The following CRY1 variants were observed in gnomAD, a reference collection of about 807,000 sequenced individuals.
CRY1 encodes the protein cryptochrome-1.
Under a neutral mutation model 76.0 loss-of-function variants are expected in CRY1, and 45 were observed. The ratio of observed to expected loss-of-function variants is 0.59; its 90% CI spans 0.47 to 0.76. CRY1 has a LOEUF of 0.76. CRY1 is among the 30% of genes least tolerant of loss of function. CRY1 has a pLI of 0.00. For missense variants in CRY1, 587 were observed against 716.4 expected, an observed-to-expected ratio of 0.82 and a Z score of 2.06; for synonymous variants, 248 against 244.0, an observed-to-expected ratio of 1.02 and a Z score of -0.15.
At chr12:107,055,176 A>T (rs1356917381) in intron 1 of CRY1, among the ~76,000 whole-genome samples, 2 of 152,160 alleles carry the variant, frequency 1.3e-5, no homozygotes, top group African/African-American at 4.8e-5. Context: ...AAGAACTGAA[A>T]TTATTTACAG....
rs540804222 is a variant in CRY1 at position 106,996,366 on chromosome 12, TATC to T, written c.1585+925_1585+927del. Among the ~76,000 whole-genome samples, 352 of 152,372 alleles carry T rather than the reference TATC, an allele frequency of 2.3e-3. 1 individual carries two copies. Among genetic ancestry groups the T allele is most frequent in the Non-Finnish European group, 3.7e-3 (253 of 68,028 alleles). On this transcript the variant is annotated intron_variant, in intron 10 of 12. Transcript: ENST00000008527. ...TGTACCACATTTTCTTTATCTAGTCTATCATCGACTGGCATTTAGGTTGATTCC... is the reference window on the plus strand; with the variant it reads ...TGTACCACATTTTCTTTATCTAGTCTATCGACTGGCATTTAGGTTGATTCC...
At chr12:107,009,579 T>A (rs867076089) in intron 2 of CRY1, among the ~76,000 whole-genome samples, 6 of 50,086 alleles carry the variant, frequency 1.2e-4, no homozygotes, top group Admixed American at 6.6e-4. Context: ...TATATATATA[T>A]ATATATATAT....
chr12:107,060,468 C>A (rs1485681460), intron 1 of CRY1, among the ~76,000 whole-genome samples: 1 of 152,162 alleles, frequency 6.6e-6, no homozygotes, highest in African/African-American at 2.4e-5. Context: ...GCCTCCAAAC[C>A]CATAAGCAAT....
At position 107,093,516 on chromosome 12, in the gene CRY1, CGGTGACCGGTCCCGAGGCTGCCCG is replaced by C. The variant is rs984100213; in HGVS notation, c.-579_-556del. ...TCGAGGCCGCTGGACGGTTGCCGGC[CGGTGACCGGTCCCGAGGCTGCCCG>C]GGTGACTCTGCCGCCGCCGCCGCGT... On this transcript the variant is annotated 5_prime_UTR_variant, in exon 1 of 13. Transcript: ENST00000008527. 1.3e-5 allele frequency: 2 copies of C among 152,294 alleles called. No homozygotes were observed. The highest frequency in any genetic ancestry group is 4.8e-5 in the African/African-American group (2 of 41,478). The allele number at this position is 152,294 out of a possible 1,614,324, so 9.4% of individuals were successfully genotyped here. A position where few individuals can be genotyped will look rare whatever the true frequency, so the allele number is the denominator to read the frequency against.
intron 1 of CRY1, among the ~76,000 whole-genome samples, chr12:107,030,393 G>C (rs1952662108): frequency 6.6e-6 from 1 of 152,096 alleles, no homozygotes; most frequent in African/African-American, 2.4e-5. Flanking sequence ...CCAAACCATA[G>C]TGCTCTTTGT....
chr12:107,049,431 G>A (rs1332638881), intron 1 of CRY1, among the ~76,000 whole-genome samples: 2 of 152,160 alleles, frequency 1.3e-5, no homozygotes, highest in Non-Finnish European at 2.9e-5. Flanking sequence ...CCAGAGTGCA[G>A]TAGTGCGATC....
intron 1 of CRY1, among the ~76,000 whole-genome samples, chr12:107,062,923 T>C (rs548168898): frequency 3.4e-4 from 52 of 152,340 alleles, no homozygotes; most frequent in African/African-American, 1.3e-3. Flanking sequence ...TTTTTCTCAA[T>C]TTAAAACTTG....
At chr12:107,042,305 C>T (rs1349521247) in intron 1 of CRY1, among the ~76,000 whole-genome samples, 1 of 152,008 alleles carries the variant, frequency 6.6e-6, no homozygotes, top group Non-Finnish European at 1.5e-5. Flanking sequence ...TTTAAGGAGA[C>T]AGAATATTTA....
chr12:106,992,494 A>G lies in CRY1; in HGVS notation c.*293T>C, dbSNP rs1345204099. 3.2e-5 allele frequency: 8 copies of G among 250,698 alleles called. No individual in the cohort carries two copies. In the East Asian group the frequency reaches 6.7e-4, roughly 21 times the overall value. 15.5% of individuals were successfully genotyped at this position (250,698 alleles called of 1,614,324 possible). A position where few individuals can be genotyped will look rare whatever the true frequency, so the allele number is the denominator to read the frequency against. On this transcript the variant is annotated intron_variant, in intron 12 of 12. Coordinates refer to ENST00000008527, the MANE Select transcript of CRY1 (RefSeq NM_004075.5). ...TGTTTTAGACTCATAGTTACATAGT[A>G]AGGAAATAAAAAAGTTGTCTTTTTC...
At chr12:106,994,059 AAAAC>A (rs142582299) in intron 10 of CRY1, among the ~76,000 whole-genome samples, 2,325 of 152,156 alleles carry the variant, frequency 0.015, 40 homozygotes, top group African/African-American at 0.047. Context: ...AAAACAAACA[AAAAC>A]AAACAAACAA....
intron 1 of CRY1, among the ~76,000 whole-genome samples, chr12:107,082,962 T>C (rs963700699): frequency 6.7e-6 from 1 of 149,930 alleles, no homozygotes; most frequent in African/African-American, 2.4e-5. Context: ...GACTAATAAA[T>C]AAAAGAGAGA....
rs537278735 is a variant in CRY1 at position 107,059,347 on chromosome 12, G to A, written c.158+33457C>T. Reference sequence around the variant, plus strand: ...GCTCACTGCAGCCTCAACCTCCCTGGCTCAAGTGGCCCTTCTGCCTCAGCC... The same window carrying A: ...GCTCACTGCAGCCTCAACCTCCCTGACTCAAGTGGCCCTTCTGCCTCAGCC... On this transcript the variant is annotated intron_variant, in intron 1 of 12. Transcript: ENST00000008527. Among the ~76,000 whole-genome samples, 3 of 152,182 alleles carry A rather than the reference G, an allele frequency of 2.0e-5. No homozygotes were observed. In the South Asian group the frequency reaches 6.2e-4, roughly 32 times the overall value.
At chr12:107,087,124 G>C (rs1953412294) in intron 1 of CRY1, among the ~76,000 whole-genome samples, 1 of 152,212 alleles carries the variant, frequency 6.6e-6, no homozygotes, top group African/African-American at 2.4e-5. Context: ...TACACCCTCA[G>C]CCTGGAAAAG....
chr12:107,026,702 A>G (rs1952620026), intron 1 of CRY1, among the ~76,000 whole-genome samples: 1 of 151,828 alleles, frequency 6.6e-6, no homozygotes, highest in Admixed American at 6.6e-5. Flanking sequence ...ATCACCTAGT[A>G]GAGTCTCTAG....
At chr12:107,011,536 C>T (rs1228619685) in intron 2 of CRY1, among the ~76,000 whole-genome samples, 1 of 152,006 alleles carries the variant, frequency 6.6e-6, no homozygotes, top group African/African-American at 2.4e-5. Context: ...ATGGAGAAAA[C>T]TTTAGGGGTC....
At chr12:107,085,784 A>G (rs1265786081) in intron 1 of CRY1, among the ~76,000 whole-genome samples, 1 of 152,164 alleles carries the variant, frequency 6.6e-6, no homozygotes, top group African/African-American at 2.4e-5. Context: ...CCTACGTAAC[A>G]AACCTGCAGG....
intron 2 of CRY1, among the ~76,000 whole-genome samples, chr12:107,019,046 C>A (rs1225782096): frequency 2.0e-5 from 3 of 152,110 alleles, no homozygotes; most frequent in Non-Finnish European, 4.4e-5. Context: ...GATTAATTAC[C>A]TATTAAAAAT....
At chr12:107,075,841 T>C (rs1432701437) in intron 1 of CRY1, among the ~76,000 whole-genome samples, 1 of 152,094 alleles carries the variant, frequency 6.6e-6, no homozygotes, top group African/African-American at 2.4e-5. Flanking sequence ...TGAATGGATA[T>C]GAGATTTAAT....
intron 9 of CRY1, 26 bp downstream of exon 9, chr12:106,997,462 A>T (rs1236069388): frequency 6.2e-7 from 1 of 1,613,206 alleles, no homozygotes; most frequent in Non-Finnish European, 8.5e-7. Context: ...CAGCTGCCAA[A>T]GAAACAAAGA....
Sources: gnomAD v4.1 joint callset for allele counts (sites outside exome capture counted in the v4.1 genomes callset) on GRCh38, gnomAD v4.1.1 for gene constraint, MANE v1.5 for transcripts, NCBI Gene and HGNC (gene_info 2026-07-23, HGNC 2026-07-21) for gene names.